The following ZFHX3 variants were observed in gnomAD, a reference collection of about 807,000 sequenced individuals.
The protein encoded by ZFHX3 is zinc finger homeobox 3, also known as zinc finger homeobox protein 3.
A neutral mutation model predicts 279.1 loss-of-function variants in ZFHX3; 42 were observed. That is an observed-to-expected ratio of 0.15 (90% CI 0.12 to 0.19). ZFHX3 has a LOEUF of 0.19. Among genes scored for constraint, ZFHX3 ranks in the 10% least tolerant of loss-of-function variants. ZFHX3 has a pLI of 1.00. For synonymous variants in ZFHX3, 2,293 were observed against 1,957.8 expected, an observed-to-expected ratio of 1.17 and a Z score of -4.52; for missense variants, 4,981 against 4,754.0, an observed-to-expected ratio of 1.05 and a Z score of -1.40.
At chr16:73,305,396 G>A (rs1390642244) in intron 4 of ZFHX3, among the ~76,000 whole-genome samples, 1 of 152,072 alleles carries the variant, frequency 6.6e-6, no homozygotes, top group Non-Finnish European at 1.5e-5. Context: ...AAGATACCGG[G>A]CAATCAGTCC....
chr16:73,817,076 G>A (rs191482894), intron 1 of ZFHX3, among the ~76,000 whole-genome samples: 1 of 152,160 alleles, frequency 6.6e-6, no homozygotes, highest in African/African-American at 2.4e-5. Flanking sequence ...CACTGGGATG[G>A]CGATGAGGAA....
chr16:73,674,807 A>C (rs2052938123), intron 2 of ZFHX3, among the ~76,000 whole-genome samples: 1 of 152,156 alleles, frequency 6.6e-6, no homozygotes, highest in Non-Finnish European at 1.5e-5. Flanking sequence ...AGACATGTGC[A>C]GGAGGCTATC....
At chr16:73,186,872 T>C (rs7193833) in intron 5 of ZFHX3, among the ~76,000 whole-genome samples, 56,180 of 152,000 alleles carry the variant, frequency 0.37, 11,385 homozygotes, top group African/African-American at 0.54. Flanking sequence ...TCCATTCTGT[T>C]GGTTCAATTA....
chr16:73,168,219 C>CTTTCTTTCTT (rs1967428637), intron 5 of ZFHX3, among the ~76,000 whole-genome samples: 1 of 114,466 alleles, frequency 8.7e-6, no homozygotes, highest in Admixed American at 8.9e-5. Context: ...TGTTTTCTTT[C>CTTTCTTTCTT]TTTCTTTCTT....
At chr16:73,565,420 G>A (rs1475948072) in intron 2 of ZFHX3, among the ~76,000 whole-genome samples, 3 of 152,160 alleles carry the variant, frequency 2.0e-5, no homozygotes, top group Non-Finnish European at 4.4e-5. Flanking sequence ...ATTCTGTAAC[G>A]TAGAACTTCT....
At chr16:73,560,858 G>A (rs1023901330) in intron 2 of ZFHX3, among the ~76,000 whole-genome samples, 3 of 152,306 alleles carry the variant, frequency 2.0e-5, no homozygotes, top group African/African-American at 7.2e-5. Context: ...AAAACACTCT[G>A]TGAGACTAGG....
At chr16:73,143,271 C>T (rs1047160325) in intron 6 of ZFHX3, among the ~76,000 whole-genome samples, 1 of 151,332 alleles carries the variant, frequency 6.6e-6, no homozygotes, top group Non-Finnish European at 1.5e-5. Context: ...AGAAATGGAC[C>T]CCGAGAAGAG....
intron 1 of ZFHX3, among the ~76,000 whole-genome samples, chr16:73,776,546 G>T (rs938176334): frequency 6.6e-6 from 1 of 152,078 alleles, no homozygotes; most frequent in East Asian, 1.9e-4. Context: ...ATATGCAACC[G>T]CGTTAATGCC....
chr16:73,535,555 A>G (rs914427301), intron 2 of ZFHX3, among the ~76,000 whole-genome samples: 2 of 152,170 alleles, frequency 1.3e-5, no homozygotes, highest in African/African-American at 4.8e-5. Flanking sequence ...TCCATCTCCC[A>G]TGAGGACAGG....
At chr16:73,243,088 T>C (rs1300805561) in intron 5 of ZFHX3, among the ~76,000 whole-genome samples, 1 of 152,008 alleles carries the variant, frequency 6.6e-6, no homozygotes, top group Non-Finnish European at 1.5e-5. Context: ...GAGAGCTGAG[T>C]GGTCCAGACA....
At chr16:73,140,342 T>C (rs967539702) in intron 6 of ZFHX3, among the ~76,000 whole-genome samples, 1 of 151,938 alleles carries the variant, frequency 6.6e-6, no homozygotes, top group Non-Finnish European at 1.5e-5. Context: ...TGTAGGGATG[T>C]TCAAGAGTTG....
At chr16:73,073,861 G>GAT in intron 8 of ZFHX3, among the ~76,000 whole-genome samples, 1 of 152,336 alleles carries the variant, frequency 6.6e-6, no homozygotes, top group East Asian at 1.9e-4. Flanking sequence ...AATTATTGTT[G>GAT]TGGCTTTTGA....
At chr16:73,731,466 G>GTT (rs112578865) in intron 1 of ZFHX3, among the ~76,000 whole-genome samples, 7 of 145,386 alleles carry the variant, frequency 4.8e-5, no homozygotes, top group African/African-American at 1.5e-4. Context: ...TAAAAAGGGT[G>GTT]TTTTTTTTTT....
At chr16:73,349,127 G>A (rs559916403) in intron 3 of ZFHX3, among the ~76,000 whole-genome samples, 12 of 152,230 alleles carry the variant, frequency 7.9e-5, no homozygotes, top group South Asian at 6.2e-4. Context: ...GGGATCTCCC[G>A]AGGGATCTCT....
intron 1 of ZFHX3, among the ~76,000 whole-genome samples, chr16:73,870,478 CA>C (rs1303917918): frequency 1.3e-5 from 2 of 152,174 alleles, no homozygotes; most frequent in Non-Finnish European, 2.9e-5. Flanking sequence ...AGCGGCTTCA[CA>C]CTAGTCCACG....
At chr16:73,782,627 A>C (rs1023556454) in intron 1 of ZFHX3, among the ~76,000 whole-genome samples, 1 of 152,174 alleles carries the variant, frequency 6.6e-6, no homozygotes, top group Non-Finnish European at 1.5e-5. Flanking sequence ...AGACGAGGCC[A>C]AACGAATAGG....
chr16:73,369,246 C>G (rs2016580612), intron 3 of ZFHX3, among the ~76,000 whole-genome samples: 1 of 152,154 alleles, frequency 6.6e-6, no homozygotes, highest in African/African-American at 2.4e-5. Context: ...AGGGTTGAAA[C>G]AATACAGTGC....
chr16:72,868,855 C>A (rs1175590910), intron 4 of ZFHX3, among the ~76,000 whole-genome samples: 1 of 151,972 alleles, frequency 6.6e-6, no homozygotes, highest in African/African-American at 2.4e-5. Flanking sequence ...GTACATACAG[C>A]CTTGGAGATG....
At chr16:73,609,780 A>T (rs1458002537) in intron 2 of ZFHX3, 2 of 152,214 alleles carry the variant, frequency 1.3e-5, no homozygotes, top group Non-Finnish European at 2.9e-5. Context: ...ACCTCCAAAA[A>T]TTCACACCCA....
Sources: allele counts gnomAD v4.1 joint callset (sites outside exome capture counted in the v4.1 genomes callset), GRCh38; gene constraint gnomAD v4.1.1; transcripts MANE v1.5; gene names NCBI Gene and HGNC (gene_info 2026-07-23, HGNC 2026-07-21).